Variants in PRKCB observed in about 807,000 individuals in gnomAD.
PRKCB encodes protein kinase C beta type.
A neutral mutation model predicts 81.5 loss-of-function variants in PRKCB; 13 were observed. The observed-to-expected ratio is 0.16, with a 90% CI of 0.10 to 0.25. PRKCB has a LOEUF of 0.25. Ranked by LOEUF, PRKCB falls within the 10% of genes least tolerant of loss-of-function variation. PRKCB has a pLI of 1.00. For missense variants in PRKCB, 509 were observed against 875.7 expected (o/e 0.58, Z 5.29); for synonymous variants, 335 against 321.4 (o/e 1.04, Z -0.45).
At chr16:24,170,745 C>T (rs561953459) in intron 10 of PRKCB, among the ~76,000 whole-genome samples, 1 of 152,214 alleles carries the variant, frequency 6.6e-6, no homozygotes, top group East Asian at 1.9e-4. Context: ...CCAAATACAT[C>T]CAGCTATTAA....
chr16:24,202,618 G>A (rs746482822), intron 16 of PRKCB, among the ~76,000 whole-genome samples: 1 of 152,188 alleles, frequency 6.6e-6, no homozygotes, highest in African/African-American at 2.4e-5. Context: ...ATTGCAACCA[G>A]GTTCTTGTGT....
intron 9 of PRKCB, among the ~76,000 whole-genome samples, chr16:24,129,738 G>A (rs183204): frequency 0.36 from 54,969 of 151,758 alleles, 10,070 homozygotes; most frequent in South Asian, 0.47. Flanking sequence ...TCTATCTGTC[G>A]TCATAGAAAG....
intron 8 of PRKCB, among the ~76,000 whole-genome samples, chr16:24,118,294 G>A (rs936728843): frequency 5.3e-5 from 8 of 152,232 alleles, no homozygotes; most frequent in African/African-American, 1.7e-4. Flanking sequence ...GAGGTAATGC[G>A]TTTAGCAGAG....
chr16:24,167,834 G>T (rs1214613774), intron 10 of PRKCB, among the ~76,000 whole-genome samples: 1 of 152,228 alleles, frequency 6.6e-6, no homozygotes, highest in Non-Finnish European at 1.5e-5. Flanking sequence ...CAGCTTATCA[G>T]CTGAGAGACC....
At chr16:23,898,698 C>G (rs1274311531) in intron 2 of PRKCB, among the ~76,000 whole-genome samples, 1 of 151,996 alleles carries the variant, frequency 6.6e-6, no homozygotes, top group Non-Finnish European at 1.5e-5. Flanking sequence ...GTGTGAAGGC[C>G]TTGGGATAGG....
intron 2 of PRKCB, among the ~76,000 whole-genome samples, chr16:23,906,397 G>T (rs748161612): frequency 3.3e-5 from 5 of 151,992 alleles, no homozygotes; most frequent in Non-Finnish European, 5.9e-5. Flanking sequence ...GTTTGTGAAA[G>T]AACATGTCTG....
chr16:23,875,241 G>A (rs1331937296), intron 2 of PRKCB, among the ~76,000 whole-genome samples: 1 of 151,776 alleles, frequency 6.6e-6, no homozygotes, highest in Non-Finnish European at 1.5e-5. Context: ...GTCTCACTAT[G>A]TTGCCCAGGC....
At chr16:23,952,774 A>G (rs1964300328) in intron 2 of PRKCB, among the ~76,000 whole-genome samples, 1 of 152,220 alleles carries the variant, frequency 6.6e-6, no homozygotes, top group Non-Finnish European at 1.5e-5. Flanking sequence ...GTGTGAAAAA[A>G]TAGTAAATAT....
intron 2 of PRKCB, among the ~76,000 whole-genome samples, chr16:23,880,545 C>A (rs1385159953): frequency 6.6e-6 from 1 of 152,042 alleles, no homozygotes. Context: ...GCAGGCCTTT[C>A]TGAATTATAT....
At chr16:24,167,966 C>T (rs893728304) in intron 10 of PRKCB, among the ~76,000 whole-genome samples, 18 of 152,188 alleles carry the variant, frequency 1.2e-4, no homozygotes, top group African/African-American at 4.1e-4. Context: ...GTAAAGCATT[C>T]AGCTCATCAC....
In PRKCB at chr16:24,219,914, G is replaced by A. The variant is rs377532181; in HGVS notation, c.*5098G>A. On this transcript the variant is annotated 3_prime_UTR_variant, in exon 17 of 17. Transcript: ENST00000643927. ...AATGACTGGCGTATCTTGGTCCTGTGTCTTTCTTCTTACGCTGTGTTAATG... is the reference window on the plus strand; with the variant it reads ...AATGACTGGCGTATCTTGGTCCTGTATCTTTCTTCTTACGCTGTGTTAATG... 1.0e-4 allele frequency: 168 copies of A among 1,601,406 alleles called. No individual in the cohort carries two copies. Among genetic ancestry groups the A allele is most frequent in the Non-Finnish European group, 1.3e-4 (156 of 1,172,652 alleles).
rs142356879 is a variant in PRKCB, at chr16:24,041,053, A to ATTTTTT, written c.529+5509_529+5514dup. 1.6e-3 allele frequency among the ~76,000 whole-genome samples: 225 copies of ATTTTTT among 137,010 alleles called. 6 individuals are homozygous for ATTTTTT. The highest frequency in any genetic ancestry group is 8.0e-3 in the East Asian group (37 of 4,610). 89.9% of individuals were successfully genotyped at this position (137,010 alleles called of 152,430 possible). A position where few individuals can be genotyped will look rare whatever the true frequency, so the allele number is the denominator to read the frequency against. On this transcript the variant is annotated intron_variant, in intron 5 of 16. Transcript: ENST00000643927. ...CTGCGTGTTCATACATGCAACAATAATTTTTTTTGTGTGTGTGTGACAGAG... is the reference window on the plus strand; with the variant it reads ...CTGCGTGTTCATACATGCAACAATAATTTTTTTTTTTTTTGTGTGTGTGTGACAGAG...
intron 3 of PRKCB, among the ~76,000 whole-genome samples, chr16:24,006,222 G>C (rs982661043): frequency 6.6e-6 from 1 of 152,194 alleles, no homozygotes; most frequent in African/African-American, 2.4e-5. Context: ...AATGCCAAGA[G>C]GATGCCTTAG....
Position 24,216,196 on chromosome 16 carries a change from G to C in PRKCB, c.*1380G>C, listed in dbSNP as rs1249737316. 2 of 985,320 alleles carry C rather than the reference G, an allele frequency of 2.0e-6. No homozygotes were observed. Among genetic ancestry groups the C allele is most frequent in the African/African-American group, 3.5e-5 (2 of 57,208 alleles). 61.0% of individuals were successfully genotyped at this position (985,320 alleles called of 1,614,324 possible). A position where few individuals can be genotyped will look rare whatever the true frequency, so the allele number is the denominator to read the frequency against. On this transcript the variant is annotated 3_prime_UTR_variant, in exon 17 of 17. Transcript: ENST00000643927. The stretch of plus-strand genomic sequence containing the variant: ...TCAGGGGCTGCTGGTGGGCTGTAGT[G>C]GGGTGGGATGACCTGGCCAGAGCCA...
intron 2 of PRKCB, among the ~76,000 whole-genome samples, chr16:23,985,298 T>G (rs986147738): frequency 6.6e-6 from 1 of 152,170 alleles, no homozygotes; most frequent in Admixed American, 6.5e-5. Flanking sequence ...GGTTTCACCA[T>G]GTTGGCCAGG....
chr16:24,108,981 A>G (rs57749600), intron 7 of PRKCB, among the ~76,000 whole-genome samples: 65,545 of 95,142 alleles, frequency 0.69, 19,010 homozygotes, highest in Non-Finnish European at 0.71. Flanking sequence ...CGGGCGGGGG[A>G]CTGACCCCCC....
chr16:23,875,355 T>G (rs1258725755), intron 2 of PRKCB, among the ~76,000 whole-genome samples: 1 of 151,370 alleles, frequency 6.6e-6, no homozygotes, highest in Non-Finnish European at 1.5e-5. Flanking sequence ...TGTCTTATGA[T>G]AAAAAAAATA....
At position 23,837,538 on chromosome 16, in the gene PRKCB, C is replaced by A; in HGVS notation, c.205+132C>A. Reference sequence around the variant, plus strand: ...GGAGTGACCTCCCAGGCTAGGAATTCTTCACCACAACAGGGTCCTTTCAAG... The same window carrying A: ...GGAGTGACCTCCCAGGCTAGGAATTATTCACCACAACAGGGTCCTTTCAAG... On this transcript the variant is annotated intron_variant, in intron 2 of 16. Coordinates refer to ENST00000643927, the MANE Select transcript of PRKCB (RefSeq NM_002738.7). 5 of 1,149,384 alleles carry A rather than the reference C, an allele frequency of 4.4e-6. No homozygotes were observed. The South Asian group carries it at 5.9e-5, about 14-fold the overall frequency. The allele number at this position is 1,149,384 out of a possible 1,614,324, so 71.2% of individuals were successfully genotyped here.
At chr16:23,877,307 A>C (rs1963031610) in intron 2 of PRKCB, among the ~76,000 whole-genome samples, 1 of 152,210 alleles carries the variant, frequency 6.6e-6, no homozygotes, top group African/African-American at 2.4e-5. Context: ...GCTGCACCCC[A>C]GCCTGGGCAG....
Sources: gnomAD v4.1 joint callset for allele counts (sites outside exome capture counted in the v4.1 genomes callset) on GRCh38, gnomAD v4.1.1 for gene constraint, MANE v1.5 for transcripts, NCBI Gene and HGNC (gene_info 2026-07-23, HGNC 2026-07-21) for gene names.